The following KCNIP4 variants were observed in gnomAD, a reference collection of about 807,000 sequenced individuals.
The protein encoded by KCNIP4 is potassium voltage-gated channel interacting protein 4, also known as Kv channel-interacting protein 4.
KCNIP4 carries 12 observed loss-of-function variants against 34.0 expected under a neutral mutation model. The observed-to-expected ratio is 0.35, with a 90% CI of 0.23 to 0.57. KCNIP4 has a LOEUF of 0.57. KCNIP4 is among the 20% of genes least tolerant of loss of function. KCNIP4 has a pLI of 0.83. For missense variants in KCNIP4, 238 were observed against 311.7 expected (o/e 0.76, Z 1.78); for synonymous variants, 124 against 102.2 (o/e 1.21, Z -1.29).
intron 1 of KCNIP4, among the ~76,000 whole-genome samples, chr4:21,253,595 G>T (rs982878640): frequency 2.0e-5 from 3 of 152,176 alleles, no homozygotes; most frequent in African/African-American, 7.2e-5. Flanking sequence ...GCTAGATAGT[G>T]TTAAAATTAC....
At chr4:21,328,447 G>A (rs1715303660) in intron 1 of KCNIP4, among the ~76,000 whole-genome samples, 1 of 152,190 alleles carries the variant, frequency 6.6e-6, no homozygotes, top group Non-Finnish European at 1.5e-5. Flanking sequence ...GTGCTGAGGT[G>A]CCTGGAGCTG....
chr4:20,941,226 A>G (rs1731608133), intron 1 of KCNIP4, among the ~76,000 whole-genome samples: 1 of 152,220 alleles, frequency 6.6e-6, no homozygotes, highest in African/African-American at 2.4e-5. Context: ...TTCTCAAAAG[A>G]TGATTTCTCA....
In KCNIP4 at chr4:21,025,543, G is replaced by GTTTTTTTT. The variant is rs772689134; in HGVS notation, c.62-142842_62-142835dup. Among the ~76,000 whole-genome samples the GTTTTTTTT allele has an allele frequency of 2.0e-3, 71 of 34,786 alleles. 23 individuals are homozygous for GTTTTTTTT. The highest frequency in any genetic ancestry group is 2.5e-3 in the African/African-American group (25 of 9,972). 22.8% of individuals were successfully genotyped at this position (34,786 alleles called of 152,430 possible). A position where few individuals can be genotyped will look rare whatever the true frequency, so the allele number is the denominator to read the frequency against. ...TGCAAAAAGGTCACTCATTGATACT[G>GTTTTTTTT]TTTTTTTTTTTTTTTTTTTTTTTTT... On this transcript the variant is annotated intron_variant, in intron 1 of 8. Coordinates refer to ENST00000382152, the MANE Select transcript of KCNIP4 (RefSeq NM_025221.6).
intron 1 of KCNIP4, among the ~76,000 whole-genome samples, chr4:21,326,077 G>GAGAT (rs1326294867): frequency 2.0e-5 from 3 of 151,886 alleles, no homozygotes; most frequent in Non-Finnish European, 2.9e-5. Flanking sequence ...GCAGCTGGTA[G>GAGAT]AGATAATGTT....
At chr4:21,483,712 C>A (rs1731659341) in intron 1 of KCNIP4, among the ~76,000 whole-genome samples, 1 of 151,870 alleles carries the variant, frequency 6.6e-6, no homozygotes, top group Admixed American at 6.6e-5. Flanking sequence ...ATCCCTTGAA[C>A]CTGGGAGGTG....
chr4:20,887,791 A>C (rs191314841), intron 1 of KCNIP4, among the ~76,000 whole-genome samples: 14 of 152,328 alleles, frequency 9.2e-5, no homozygotes, highest in African/African-American at 2.6e-4. Flanking sequence ...ACTTGACTCT[A>C]CAGGTAGAAA....
chr4:21,131,597 G>C (rs1751078298), intron 1 of KCNIP4, among the ~76,000 whole-genome samples: 1 of 152,092 alleles, frequency 6.6e-6, no homozygotes, highest in East Asian at 1.9e-4. Flanking sequence ...GCGACAGAAG[G>C]AGACTCAGTC....
intron 1 of KCNIP4, among the ~76,000 whole-genome samples, chr4:21,667,378 A>G (rs1749063575): frequency 6.6e-6 from 1 of 152,196 alleles, no homozygotes; most frequent in Admixed American, 6.5e-5. Flanking sequence ...CTCTGCTAGG[A>G]TTAATAAAGA....
chr4:21,275,339 A>C (rs956855260), intron 1 of KCNIP4, among the ~76,000 whole-genome samples: 3 of 152,162 alleles, frequency 2.0e-5, no homozygotes, highest in Admixed American at 1.3e-4. Flanking sequence ...TTCAGAGTAC[A>C]CTGTTATGAG....
At chr4:21,925,155 A>G (rs559125982) in intron 1 of KCNIP4, among the ~76,000 whole-genome samples, 10 of 152,140 alleles carry the variant, frequency 6.6e-5, no homozygotes, top group Non-Finnish European at 1.3e-4. Flanking sequence ...ACATACGTAT[A>G]CATGTGCCAT....
At chr4:21,124,588 C>T (rs1190906941) in intron 1 of KCNIP4, among the ~76,000 whole-genome samples, 1 of 152,046 alleles carries the variant, frequency 6.6e-6, no homozygotes, top group African/African-American at 2.4e-5. Flanking sequence ...TTTTCTTTTT[C>T]TTCTTCTTTT....
intron 1 of KCNIP4, among the ~76,000 whole-genome samples, chr4:21,578,817 A>G (rs1327262213): frequency 8.5e-5 from 13 of 152,174 alleles, no homozygotes; most frequent in Admixed American, 8.5e-4. Flanking sequence ...CATACATCCC[A>G]CACTGGACTA....
At chr4:20,814,442 A>G (rs1309598872) in intron 3 of KCNIP4, among the ~76,000 whole-genome samples, 1 of 152,160 alleles carries the variant, frequency 6.6e-6, no homozygotes, top group Non-Finnish European at 1.5e-5. Context: ...ACCAGGGAGC[A>G]TTGCCTTAGA....
chr4:21,689,333 G>A (rs1163849481), intron 1 of KCNIP4, among the ~76,000 whole-genome samples: 1 of 152,114 alleles, frequency 6.6e-6, no homozygotes, highest in African/African-American at 2.4e-5. Flanking sequence ...ACATCCTATA[G>A]ATAACAGATC....
At chr4:20,751,673 G>A (rs1034505368) in intron 4 of KCNIP4, among the ~76,000 whole-genome samples, 2 of 152,084 alleles carry the variant, frequency 1.3e-5, no homozygotes, top group Non-Finnish European at 2.9e-5. Flanking sequence ...TCAAAACAAC[G>A]ATGTTTGCTA....
intron 1 of KCNIP4, among the ~76,000 whole-genome samples, chr4:21,862,894 G>A (rs7677923): frequency 0.086 from 13,000 of 151,652 alleles, 1,862 homozygotes; most frequent in African/African-American, 0.3. Context: ...CCGGGAGGCG[G>A]AGCTTGCAGT....
intron 1 of KCNIP4, among the ~76,000 whole-genome samples, chr4:21,663,624 A>T (rs1748616721): frequency 6.6e-6 from 1 of 152,028 alleles, no homozygotes; most frequent in African/African-American, 2.4e-5. Context: ...TGCTTGTTCT[A>T]AGGCCTAATA....
At position 21,784,790 on chromosome 4, in the gene KCNIP4, C is replaced by T. The variant is rs541230066; in HGVS notation, c.61+163781G>A. ...CACACAGCATTTTTATTTATCTTATCATGATCATGTCCTAAATTTAGTTTC... is the reference window on the plus strand; with the variant it reads ...CACACAGCATTTTTATTTATCTTATTATGATCATGTCCTAAATTTAGTTTC... On this transcript the variant is annotated intron_variant, in intron 1 of 8. Coordinates refer to ENST00000382152, the MANE Select transcript of KCNIP4 (RefSeq NM_025221.6). Among the ~76,000 whole-genome samples the T allele has an allele frequency of 1.4e-4, 22 of 152,256 alleles. 1 individual carries two copies. Among genetic ancestry groups the T allele is most frequent in the Admixed American group, 3.9e-4 (6 of 15,292 alleles).
chr4:21,681,322 G>C (rs1351595782), intron 1 of KCNIP4, among the ~76,000 whole-genome samples: 2 of 151,722 alleles, frequency 1.3e-5, no homozygotes, highest in Admixed American at 1.3e-4. Flanking sequence ...GATCAGGCTG[G>C]TCTCAAATTC....
Sources: gnomAD v4.1 joint callset for allele counts (sites outside exome capture counted in the v4.1 genomes callset) on GRCh38, gnomAD v4.1.1 for gene constraint, MANE v1.5 for transcripts, NCBI Gene and HGNC (gene_info 2026-07-23, HGNC 2026-07-21) for gene names.